JAKMIP1: variants seen among roughly 807,000 people sequenced by gnomAD.
JAKMIP1 encodes janus kinase and microtubule interacting protein 1, also known as janus kinase and microtubule-interacting protein 1.
In JAKMIP1, 33 loss-of-function variants were observed where a neutral mutation model predicts 113.0. The observed-to-expected ratio is 0.29, with a 90% confidence interval of 0.22 to 0.39. The LOEUF (loss-of-function observed/expected upper bound fraction) is 0.39, where lower values mean the gene tolerates loss of function less well. JAKMIP1 is among the 10% of genes least tolerant of loss of function. The probability of loss-of-function intolerance (pLI) is 1.00; values close to 1 mark genes in which losing one functional copy is unlikely to be tolerated. For synonymous variants in JAKMIP1, 480 were observed against 459.9 expected (o/e 1.04, Z -0.56); for missense variants, 813 against 1,080.5 (o/e 0.75, Z 3.47).
In JAKMIP1 at chr4:6,154,016, T is replaced by C. The variant is rs1203444343; in HGVS notation, c.-147-41019A>G. On this transcript the variant is annotated intron_variant, in intron 1 of 20. Coordinates refer to ENST00000409021, the MANE Select transcript of JAKMIP1 (RefSeq NM_001099433.2). The surrounding 1 kb of genome is among the most constrained non-coding windows in gnomAD (Gnocchi z 4.2). Reference sequence around the variant, plus strand: ...TTGTATGCGGCAGATGTTTACTAAATACTGGCTGCTGAACCAGAGTGAGAG... The same window carrying C: ...TTGTATGCGGCAGATGTTTACTAAACACTGGCTGCTGAACCAGAGTGAGAG... Among the ~76,000 whole-genome samples, 1 of 152,158 alleles carries C rather than the reference T, an allele frequency of 6.6e-6. No homozygotes were observed. Among genetic ancestry groups the C allele is most frequent in the African/African-American group, 2.4e-5 (1 of 41,434 alleles).
intron 1 of JAKMIP1, among the ~76,000 whole-genome samples, chr4:6,118,893 C>T (rs776089237): frequency 1.8e-4 from 27 of 152,150 alleles, no homozygotes; most frequent in Non-Finnish European, 3.4e-4. Flanking sequence ...GAAGATGTAA[C>T]GAAGTTAAAG....
intron 16 of JAKMIP1, among the ~76,000 whole-genome samples, chr4:6,043,904 T>C (rs1714664984): frequency 1.3e-5 from 2 of 151,900 alleles, no homozygotes; most frequent in Non-Finnish European, 2.9e-5. Context: ...CACAGCCTCA[T>C]CAGTCAGCAC....
Position 6,062,371 on chromosome 4 carries a change from C to T in JAKMIP1, c.1501G>A (p.Ala501Thr), listed in dbSNP as rs1351104472. 5 of 1,613,622 alleles carry T rather than the reference C, an allele frequency of 3.1e-6. No homozygotes were observed. The highest frequency in any genetic ancestry group is 1.1e-5 in the South Asian group (1 of 91,084). ...ACCTGCTCCTGGAGCAGGGCGTAGG[C>T]GCGTTGCAGGGCCTGGTACTCCCGG... ...LTREYQALQR[A>T]YALLQEQVGG... is the part of the protein sequence containing the mutation. The change falls in exon 10 of 21, where the codon GCC becomes ACC. Residue 501 changes from alanine (A) to threonine (T), a missense_variant. This residue lies in a region of JAKMIP1 where 273 missense variants were observed against 426.6 expected (regional missense o/e 0.64). Coordinates refer to ENST00000409021, the MANE Select transcript of JAKMIP1 (RefSeq NM_001099433.2).
chr4:6,071,431 A>T (rs1718945018), intron 8 of JAKMIP1, among the ~76,000 whole-genome samples: 1 of 148,596 alleles, frequency 6.7e-6, no homozygotes, highest in Non-Finnish European at 1.5e-5. Context: ...TCACCTCCTG[A>T]AACTAGGCAG....
intron 1 of JAKMIP1, among the ~76,000 whole-genome samples, chr4:6,147,706 T>C (rs1248507684): frequency 7.2e-5 from 11 of 152,196 alleles, no homozygotes; most frequent in Non-Finnish European, 1.5e-4. Flanking sequence ...TAGGTGTGGG[T>C]TCTGTCTCCG....
In JAKMIP1 at chr4:6,143,679, T is replaced by C. The variant is rs11929728; in HGVS notation, c.-147-30682A>G. ...GGGAGCTTGTTAGGAGTTAAAATTC[T>C]TTGGCCTCAACAGTAACCTACTGAA... On this transcript the variant is annotated intron_variant, in intron 1 of 20. Transcript: ENST00000409021. The surrounding 1 kb of genome is among the most constrained non-coding windows in gnomAD (Gnocchi z 4.9). Among the ~76,000 whole-genome samples, 10,401 of 152,270 alleles carry C rather than the reference T, an allele frequency of 0.068. 949 individuals carry two copies. The highest frequency in any genetic ancestry group is 0.21 in the African/African-American group (8,715 of 41,518).
intron 2 of JAKMIP1, among the ~76,000 whole-genome samples, chr4:6,107,916 G>A (rs1714235642): frequency 6.6e-6 from 1 of 152,130 alleles, no homozygotes; most frequent in African/African-American, 2.4e-5. Context: ...ACTGTGGGTG[G>A]GTGAATGGAA....
intron 1 of JAKMIP1, among the ~76,000 whole-genome samples, chr4:6,160,689 G>GGCCAGCCTCCAC (rs1415044736): frequency 2.0e-5 from 3 of 152,058 alleles, no homozygotes; most frequent in African/African-American, 4.8e-5. Flanking sequence ...GTCCCCAACA[G>GGCCAGCCTCCAC]GCCAGCCTCC....
Position 6,180,658 on chromosome 4 carries a change from C to T in JAKMIP1, c.-148+19595G>A, listed in dbSNP as rs1725916915. ...CCTGTGACAAGGGTATTCTTAGTACCCCCATTTTAATGGACCAGCAGGAAG... is the reference window on the plus strand; with the variant it reads ...CCTGTGACAAGGGTATTCTTAGTACTCCCATTTTAATGGACCAGCAGGAAG... On this transcript the variant is annotated intron_variant, in intron 1 of 20. Transcript: ENST00000409021. This position sits in a 1 kb window ranked among gnomAD's most constrained non-coding sequence, Gnocchi z 4.5. Among the ~76,000 whole-genome samples, 1 of 152,102 alleles carries T rather than the reference C, an allele frequency of 6.6e-6. No individual in the cohort carries two copies. Among genetic ancestry groups the T allele is most frequent in the African/African-American group, 2.4e-5 (1 of 41,414 alleles).
chr4:6,120,627 C>T (rs1012318003), intron 1 of JAKMIP1, among the ~76,000 whole-genome samples: 6 of 152,162 alleles, frequency 3.9e-5, no homozygotes, highest in Non-Finnish European at 8.8e-5. Context: ...TCACATCCCA[C>T]GATTTTCAGT....
Position 6,028,777 on chromosome 4 carries a change from G to A in JAKMIP1, c.2445+939C>T, listed in dbSNP as rs532691510. Reference sequence around the variant, plus strand: ...CTTCGAGCACAGGCATGCCGGCCACGGACCTCCTGGATGGGTTCAGCGGCT... The same window carrying A: ...CTTCGAGCACAGGCATGCCGGCCACAGACCTCCTGGATGGGTTCAGCGGCT... On this transcript the variant is annotated intron_variant, in intron 20 of 20. Coordinates refer to ENST00000409021, the MANE Select transcript of JAKMIP1 (RefSeq NM_001099433.2). Among the ~76,000 whole-genome samples the A allele has an allele frequency of 3.3e-5, 5 of 152,324 alleles. No individual in the cohort carries two copies. The East Asian group carries it at 7.7e-4, about 24-fold the overall frequency.
intron 1 of JAKMIP1, among the ~76,000 whole-genome samples, chr4:6,122,269 T>C (rs941808964): frequency 6.6e-6 from 1 of 152,096 alleles, no homozygotes; most frequent in Non-Finnish European, 1.5e-5. Context: ...GAGGTTGCAG[T>C]GAGCCGAGAT....
intron 3 of JAKMIP1, among the ~76,000 whole-genome samples, chr4:6,098,370 T>C (rs1294156871): frequency 6.6e-6 from 1 of 150,988 alleles, no homozygotes; most frequent in African/African-American, 2.4e-5. Flanking sequence ...GAGGTGGAGG[T>C]TGCAGTAAGC....
chr4:6,038,861 C>T (rs1466371426), intron 18 of JAKMIP1, among the ~76,000 whole-genome samples: 2 of 152,186 alleles, frequency 1.3e-5, no homozygotes, highest in South Asian at 2.1e-4. Flanking sequence ...CAGATAGAAA[C>T]GCACCACTCG....
intron 3 of JAKMIP1, among the ~76,000 whole-genome samples, chr4:6,091,447 AGCTGCTACAT>A (rs1374416598): frequency 6.6e-6 from 1 of 152,262 alleles, no homozygotes; most frequent in African/African-American, 2.4e-5. Context: ...AGAAACTATA[AGCTGCTACAT>A]GCTTTAGCTC....
intron 1 of JAKMIP1, among the ~76,000 whole-genome samples, chr4:6,198,063 A>G (rs1461896932): frequency 1.3e-5 from 2 of 152,148 alleles, no homozygotes; most frequent in Non-Finnish European, 2.9e-5. Flanking sequence ...AGCCCCCACC[A>G]AAGTGGGACC....
chr4:6,125,093 C>T (rs1717219830), intron 1 of JAKMIP1, among the ~76,000 whole-genome samples: 1 of 152,164 alleles, frequency 6.6e-6, no homozygotes, highest in Non-Finnish European at 1.5e-5. Flanking sequence ...GCTAGGAGGA[C>T]AGCACCCAGC....
rs1016746989 is a variant in JAKMIP1 at position 6,067,063 on chromosome 4, C to T, written c.1303-2055G>A. ...CATGCCCAGGTCCCTCCTGCTTCAC[C>T]CCCGCCCCAGCCTCTGGGGCCTCCT... On this transcript the variant is annotated intron_variant, in intron 8 of 20. Coordinates refer to ENST00000409021, the MANE Select transcript of JAKMIP1 (RefSeq NM_001099433.2). This position sits in a 1 kb window ranked among gnomAD's most constrained non-coding sequence, Gnocchi z 4.6. Among the ~76,000 whole-genome samples the T allele has an allele frequency of 1.3e-5, 2 of 152,166 alleles. No individual in the cohort carries two copies. Among genetic ancestry groups the T allele is most frequent in the Non-Finnish European group, 2.9e-5 (2 of 68,014 alleles).
rs895063410 is a variant in JAKMIP1 at position 6,176,064 on chromosome 4, G to A, written c.-148+24189C>T. 5.3e-5 allele frequency among the ~76,000 whole-genome samples: 8 copies of A among 152,178 alleles called. No individual in the cohort carries two copies. The highest frequency in any genetic ancestry group is 7.3e-5 in the Non-Finnish European group (5 of 68,038). ...CCTACTAAGTGCCAGATACTTCCCA[G>A]GCATTAAAGATACAGAGATGAACAT... On this transcript the variant is annotated intron_variant, in intron 1 of 20. Coordinates refer to ENST00000409021, the MANE Select transcript of JAKMIP1 (RefSeq NM_001099433.2). This position sits in a 1 kb window ranked among gnomAD's most constrained non-coding sequence, Gnocchi z 5.5.
Sources: gnomAD v4.1 joint callset for allele counts (sites outside exome capture counted in the v4.1 genomes callset) on GRCh38, gnomAD v4.1.1 for gene constraint, gnomAD v4.1.1 regional missense constraint, Gnocchi (gnomAD v3.1) non-coding constraint, MANE v1.5 for transcripts, NCBI Gene and HGNC (gene_info 2026-07-23, HGNC 2026-07-21) for gene names.